HSP90AA1: variants seen among roughly 807,000 people sequenced by gnomAD.
HSP90AA1 encodes the protein heat shock protein HSP 90-alpha.
In HSP90AA1, 18 loss-of-function variants were observed where a neutral mutation model predicts 73.3. The ratio of observed to expected loss-of-function variants is 0.25; its 90% CI spans 0.17 to 0.36. The LOEUF is 0.36. Among genes scored for constraint, HSP90AA1 ranks in the 10% least tolerant of loss-of-function variants. The pLI is 1.00. For synonymous variants in HSP90AA1, 477 were observed against 296.9 expected (o/e 1.61, Z -6.24); for missense variants, 704 against 874.2 (o/e 0.81, Z 2.45).
intron 1 of HSP90AA1, among the ~76,000 whole-genome samples, chr14:102,106,832 C>T (rs1417150396): frequency 6.6e-6 from 1 of 151,918 alleles, no homozygotes; most frequent in African/African-American, 2.4e-5. Flanking sequence ...GTGTGAGCCG[C>T]TGCGCCCACC....
At chr14:102,132,139 C>T (rs758837526) in intron 1 of HSP90AA1, among the ~76,000 whole-genome samples, 35 of 152,012 alleles carry the variant, frequency 2.3e-4, no homozygotes, top group Admixed American at 7.2e-4. Context: ...GAGGCCGAGA[C>T]GGGCAGATCA....
chr14:102,115,750 G>GA (rs1259781318), intron 1 of HSP90AA1, among the ~76,000 whole-genome samples: 2 of 150,856 alleles, frequency 1.3e-5, no homozygotes, highest in South Asian at 4.2e-4. Context: ...GTCTTAAAAA[G>GA]AAAAAAAAGA....
At chr14:102,103,060 A>G (rs2049515325) in intron 1 of HSP90AA1, among the ~76,000 whole-genome samples, 1 of 151,816 alleles carries the variant, frequency 6.6e-6, no homozygotes, top group Non-Finnish European at 1.5e-5. Flanking sequence ...ACATGCCTGT[A>G]ATCCCACCTA....
intron 1 of HSP90AA1, among the ~76,000 whole-genome samples, chr14:102,121,024 C>T (rs1328962441): frequency 1.4e-3 from 15 of 10,632 alleles, no homozygotes; most frequent in Admixed American, 2.7e-3. Flanking sequence ...CACACACATA[C>T]ACACACACAC....
chr14:102,134,910 C>A (rs1293303645), intron 1 of HSP90AA1, among the ~76,000 whole-genome samples: 1 of 152,188 alleles, frequency 6.6e-6, no homozygotes, highest in Admixed American at 6.5e-5. Context: ...TTGGTAGAGC[C>A]GAGTGGCCTG....
chr14:102,097,525 A>G (rs897032985), intron 2 of HSP90AA1, among the ~76,000 whole-genome samples: 27 of 152,134 alleles, frequency 1.8e-4, no homozygotes, highest in African/African-American at 6.3e-4. Context: ...GTCTTGGCCA[A>G]TGCAAGAGCA....
At chr14:102,137,308 CATTT>C (rs1440670876) in intron 1 of HSP90AA1, among the ~76,000 whole-genome samples, 2 of 151,048 alleles carry the variant, frequency 1.3e-5, no homozygotes, top group African/African-American at 4.9e-5. Flanking sequence ...AGGTCAGGCC[CATTT>C]ATTTATTTAT....
chr14:102,086,434 G>T (rs1379499216), intron 1 of HSP90AA1, 56 bp from the exon 2 acceptor site: 6 of 1,582,930 alleles, frequency 3.8e-6, no homozygotes, highest in Admixed American at 3.3e-5. Context: ...GAGGCAACAC[G>T]AAATTCCATC....
At chr14:102,087,958 T>TTTA (rs2049290164), upstream of HSP90AA1, among the ~76,000 whole-genome samples, 1 of 141,954 alleles carries the variant, frequency 7.0e-6, no homozygotes, top group South Asian at 2.4e-4. Context: ...TTTCTTTTTT[T>TTTA]TTTTTTTGGA....
At chr14:102,126,591 C>A (rs1181239622) in intron 1 of HSP90AA1, among the ~76,000 whole-genome samples, 1 of 152,074 alleles carries the variant, frequency 6.6e-6, no homozygotes, top group Non-Finnish European at 1.5e-5. Context: ...GTGGCGCAAC[C>A]ACGACTCACT....
intron 1 of HSP90AA1, among the ~76,000 whole-genome samples, chr14:102,122,722 C>A (rs960764414): frequency 2.6e-5 from 4 of 151,910 alleles, no homozygotes; most frequent in Admixed American, 2.0e-4. Context: ...GGCTGGAGCG[C>A]AAGGGTTCGA....
intron 1 of HSP90AA1, among the ~76,000 whole-genome samples, chr14:102,136,304 C>G (rs566134726): frequency 1.3e-5 from 2 of 151,952 alleles, no homozygotes; most frequent in East Asian, 3.9e-4. Flanking sequence ...CGCGGTGGCT[C>G]ACGCTTGTAA....
At chr14:102,122,478 T>C (rs968219178) in intron 1 of HSP90AA1, among the ~76,000 whole-genome samples, 5 of 151,726 alleles carry the variant, frequency 3.3e-5, no homozygotes, top group African/African-American at 1.2e-4. Flanking sequence ...AGACGGGGTT[T>C]CACTGTGTTA....
At chr14:102,134,859 T>G (rs2049963631) in intron 1 of HSP90AA1, among the ~76,000 whole-genome samples, 1 of 152,210 alleles carries the variant, frequency 6.6e-6, no homozygotes, top group Non-Finnish European at 1.5e-5. Context: ...TCGGGCAGCC[T>G]GCTTTTATTC....
chr14:102,123,542 T>A (rs1394440004), intron 1 of HSP90AA1, among the ~76,000 whole-genome samples: 4 of 152,022 alleles, frequency 2.6e-5, no homozygotes, highest in Non-Finnish European at 5.9e-5. Context: ...TGTGGTTTTT[T>A]TTTTCTTTTT....
intron 1 of HSP90AA1, among the ~76,000 whole-genome samples, chr14:102,115,621 G>A (rs918177154): frequency 2.0e-4 from 30 of 152,000 alleles, no homozygotes; most frequent in Admixed American, 9.2e-4. Flanking sequence ...AGTGGTTCAC[G>A]CCTGTAATCC....
At chr14:102,139,103 G>T (rs1165355949) in intron 1 of HSP90AA1, 19 of 996,606 alleles carry the variant, frequency 1.9e-5, no homozygotes, top group East Asian at 2.6e-5. Flanking sequence ...ACAAACCTCC[G>T]CTAAGAAGCG....
In HSP90AA1 at chr14:102,085,861, A is replaced by G; in HGVS notation, c.426T>C (p.Tyr142=). ...GQFGVGFYSA[Y]LVAEKVTVIT... is the part of the protein sequence containing the mutation. ...TCACAGTTACTTTCTCAGCAACCAA[A>G]TAAGCAGAATAAAAACCAACACCGA... Residue 142 remains tyrosine, a synonymous_variant, in exon 3 of 11, where the codon TAT becomes TAC. Coordinates refer to ENST00000216281, the MANE Select transcript of HSP90AA1 (RefSeq NM_005348.4). 1 of 1,613,978 alleles carries G rather than the reference A, an allele frequency of 6.2e-7. No individual in the cohort carries two copies. The highest frequency in any genetic ancestry group is 1.1e-5 in the South Asian group (1 of 91,076).
At chr14:102,112,922 C>G (rs374075232) in intron 1 of HSP90AA1, among the ~76,000 whole-genome samples, 30 of 152,304 alleles carry the variant, frequency 2.0e-4, no homozygotes, top group African/African-American at 7.2e-4. Context: ...TCTATTTAAA[C>G]TACTAATATT....
Sources: gnomAD v4.1 joint callset for allele counts (sites outside exome capture counted in the v4.1 genomes callset) on GRCh38, gnomAD v4.1.1 for gene constraint, MANE v1.5 for transcripts, NCBI Gene and HGNC (gene_info 2026-07-23, HGNC 2026-07-21) for gene names.